Variants in TCF7L1 observed in about 807,000 individuals in gnomAD.
The protein encoded by TCF7L1 is transcription factor 7 like 1, also known as transcription factor 7-like 1.
TCF7L1 carries 18 observed loss-of-function variants against 63.7 expected under a neutral mutation model. The ratio of observed to expected loss-of-function variants is 0.28; its 90% CI spans 0.20 to 0.42. The LOEUF (loss-of-function observed/expected upper bound fraction) is 0.42, where lower values mean the gene tolerates loss of function less well. Ranked by LOEUF, TCF7L1 falls within the 10% of genes least tolerant of loss-of-function variation. The pLI is 1.00. For missense variants in TCF7L1, 654 were observed against 779.3 expected (o/e 0.84, Z 1.91); for synonymous variants, 355 against 340.9 (o/e 1.04, Z -0.46).
intron 3 of TCF7L1, among the ~76,000 whole-genome samples, chr2:85,260,368 G>A: frequency 6.6e-6 from 1 of 151,862 alleles, no homozygotes. Flanking sequence ...CGGACGCAGT[G>A]GCTCATGTCT....
intron 3 of TCF7L1, among the ~76,000 whole-genome samples, chr2:85,138,576 T>C (rs1677649481): frequency 6.6e-6 from 1 of 152,226 alleles, no homozygotes; most frequent in South Asian, 2.1e-4. Flanking sequence ...GGGCCTGTGT[T>C]GCTGAAGTTT....
intron 5 of TCF7L1, among the ~76,000 whole-genome samples, chr2:85,302,969 A>G (rs533746688): frequency 4.7e-4 from 72 of 152,322 alleles, no homozygotes; most frequent in Middle Eastern, 3.4e-3. Context: ...ACATTTTTAA[A>G]TAGATTCATC....
At chr2:85,183,886 A>G (rs557858224) in intron 3 of TCF7L1, among the ~76,000 whole-genome samples, 2 of 152,246 alleles carry the variant, frequency 1.3e-5, no homozygotes, top group Admixed American at 1.3e-4. Context: ...CTGCAGTTTC[A>G]CCAGGACTTA....
intron 3 of TCF7L1, among the ~76,000 whole-genome samples, chr2:85,252,679 G>A (rs1406832007): frequency 1.3e-5 from 2 of 152,246 alleles, no homozygotes; most frequent in African/African-American, 4.8e-5. Flanking sequence ...CACACAAACA[G>A]TGTCATCAGA....
intron 3 of TCF7L1, among the ~76,000 whole-genome samples, chr2:85,281,665 C>T (rs954020124): frequency 2.0e-5 from 3 of 152,064 alleles, no homozygotes; most frequent in African/African-American, 4.8e-5. Flanking sequence ...GTACAGAGGT[C>T]GCAAAGTGAA....
At chr2:85,295,914 A>C (rs1681831446) in intron 4 of TCF7L1, among the ~76,000 whole-genome samples, 1 of 149,710 alleles carries the variant, frequency 6.7e-6, no homozygotes, top group South Asian at 2.1e-4. Context: ...AGTAGCTGGG[A>C]TTACAGGTGC....
intron 3 of TCF7L1, among the ~76,000 whole-genome samples, chr2:85,252,577 G>A (rs893245093): frequency 6.6e-6 from 1 of 152,182 alleles, no homozygotes; most frequent in Non-Finnish European, 1.5e-5. Context: ...AAGCCAAGAA[G>A]GGGGAAATAA....
chr2:85,144,048 C>T (rs1222809469), intron 3 of TCF7L1, among the ~76,000 whole-genome samples: 1 of 152,196 alleles, frequency 6.6e-6, no homozygotes, highest in Non-Finnish European at 1.5e-5. Flanking sequence ...GAAGAATACG[C>T]AAACGAATGT....
chr2:85,204,715 C>G (rs1386104807), intron 3 of TCF7L1, among the ~76,000 whole-genome samples: 2 of 151,892 alleles, frequency 1.3e-5, no homozygotes, highest in African/African-American at 4.8e-5. Flanking sequence ...GCCAAAATAC[C>G]ATCCAAAAAA....
intron 3 of TCF7L1, among the ~76,000 whole-genome samples, chr2:85,170,112 C>CAGCA (rs1678514447): frequency 6.6e-6 from 1 of 152,146 alleles, no homozygotes; most frequent in Non-Finnish European, 1.5e-5. Flanking sequence ...TCCCAAGGGC[C>CAGCA]AGCAGTGTGC....
chr2:85,148,863 C>A (rs566975634), intron 3 of TCF7L1, among the ~76,000 whole-genome samples: 1 of 151,110 alleles, frequency 6.6e-6, no homozygotes, highest in South Asian at 2.1e-4. Context: ...AACCTCTGCC[C>A]CCCCAGGTTC....
chr2:85,284,352 T>C (rs1305479246), intron 4 of TCF7L1, among the ~76,000 whole-genome samples: 1 of 152,126 alleles, frequency 6.6e-6, no homozygotes, highest in African/African-American at 2.4e-5. Context: ...AAGAATTCAA[T>C]AGGACGTATG....
chr2:85,288,449 A>G (rs1681612186), intron 4 of TCF7L1, among the ~76,000 whole-genome samples: 1 of 152,162 alleles, frequency 6.6e-6, no homozygotes, highest in Admixed American at 6.5e-5. Context: ...CAGAACTTGA[A>G]GGTTTTTCGG....
intron 3 of TCF7L1, among the ~76,000 whole-genome samples, chr2:85,175,886 G>A (rs977475048): frequency 6.6e-6 from 1 of 152,218 alleles, no homozygotes; most frequent in Non-Finnish European, 1.5e-5. Flanking sequence ...CACCAGCCAC[G>A]TTTAGGTCAG....
intron 3 of TCF7L1, among the ~76,000 whole-genome samples, chr2:85,219,743 G>A (rs948128322): frequency 6.6e-6 from 1 of 152,056 alleles, no homozygotes; most frequent in African/African-American, 2.4e-5. Context: ...AAAATAAGGG[G>A]CTAAAAAATA....
intron 3 of TCF7L1, among the ~76,000 whole-genome samples, chr2:85,202,872 C>T (rs1225468062): frequency 3.9e-5 from 6 of 152,076 alleles, no homozygotes; most frequent in African/African-American, 1.2e-4. Context: ...CTCGCTCTTT[C>T]GCCCAGGCTG....
At chr2:85,283,736 T>C (rs943692836) in intron 4 of TCF7L1, among the ~76,000 whole-genome samples, 158 bp downstream of exon 4, 4 of 152,152 alleles carry the variant, frequency 2.6e-5, no homozygotes, top group Admixed American at 6.5e-5. Context: ...GGGCTAACAA[T>C]TGGGTTGTGA....
At chr2:85,153,340 A>ATGTTTTTT (rs750002994) in intron 3 of TCF7L1, among the ~76,000 whole-genome samples, 1 of 102,308 alleles carries the variant, frequency 9.8e-6, no homozygotes, top group Non-Finnish European at 1.8e-5. Context: ...GCCTTTATAA[A>ATGTTTTTT]TTTTTTTTTT....
rs369716387 is a variant in TCF7L1 at position 85,140,501 on chromosome 2, G to A, written c.441+6051G>A. 9.1e-4 allele frequency among the ~76,000 whole-genome samples: 139 copies of A among 152,160 alleles called. 5 individuals carry two copies. The South Asian group carries it at 0.028, about 31-fold the overall frequency. On this transcript the variant is annotated intron_variant, in intron 3 of 11. Coordinates refer to ENST00000282111, the MANE Select transcript of TCF7L1 (RefSeq NM_031283.3). ...CTTTTCCTCCATGGTGGAAGCTGGA[G>A]GGAAAGAAAGTGGGAGGCCAGGTGC...
Sources: gnomAD v4.1 joint callset for allele counts (sites outside exome capture counted in the v4.1 genomes callset) on GRCh38, gnomAD v4.1.1 for gene constraint, MANE v1.5 for transcripts, NCBI Gene and HGNC (gene_info 2026-07-23, HGNC 2026-07-21) for gene names.